SPECC1L: variants seen among roughly 807,000 people sequenced by gnomAD.
The protein encoded by SPECC1L is sperm antigen with calponin homology and coiled-coil domains 1 like.
SPECC1L carries 40 observed loss-of-function variants against 116.8 expected under a neutral mutation model. The ratio of observed to expected loss-of-function variants is 0.34; its 90% CI spans 0.27 to 0.45. The LOEUF (loss-of-function observed/expected upper bound fraction) is 0.45. Among genes scored for constraint, SPECC1L ranks in the 20% least tolerant of loss-of-function variants. The probability of loss-of-function intolerance (pLI) is 1.00; values close to 1 mark genes in which losing one functional copy is unlikely to be tolerated. For synonymous variants in SPECC1L, 504 were observed against 500.6 expected (o/e 1.01, Z -0.09); for missense variants, 1,110 against 1,373.6 (o/e 0.81, Z 3.03).
rs117987533 is a variant in SPECC1L at position 24,395,350 on chromosome 22, T to C, written c.3088-16238T>C. On this transcript the variant is annotated intron_variant, in intron 14 of 16. Coordinates refer to ENST00000314328, the MANE Select transcript of SPECC1L (RefSeq NM_015330.6). ...AGGTGAACTTTTTGGCCTGTGGACT[T>C]AAGTTGGGAAGGTTGCATGTGATAG... Among the ~76,000 whole-genome samples, 1,125 of 152,262 alleles carry C rather than the reference T, an allele frequency of 7.4e-3. 6 individuals are homozygous for C. Among genetic ancestry groups the C allele is most frequent in the South Asian group, 0.013 (61 of 4,826 alleles).
At chr22:24,382,004 T>C (rs1254873327) in intron 14 of SPECC1L, among the ~76,000 whole-genome samples, 2 of 149,150 alleles carry the variant, frequency 1.3e-5, no homozygotes, top group African/African-American at 4.9e-5. Flanking sequence ...AGGAAGTTTA[T>C]AGACTAGTCA....
intron 2 of SPECC1L, among the ~76,000 whole-genome samples, chr22:24,292,498 T>C (rs995394181): frequency 7.9e-5 from 12 of 152,208 alleles, no homozygotes; most frequent in Admixed American, 2.0e-4. Context: ...ATCAGTTCTT[T>C]TTTATAGGAG....
rs369244424 is a variant in SPECC1L at position 24,343,299 on chromosome 22, G to A, written c.2653-3787G>A. ...AAATCAGGAAGCTAAAGCAAGACAAGCGTATATAAACATACAAACACCCTC... is the reference window on the plus strand; with the variant it reads ...AAATCAGGAAGCTAAAGCAAGACAAACGTATATAAACATACAAACACCCTC... On this transcript the variant is annotated intron_variant, in intron 10 of 16. Transcript: ENST00000314328. Among the ~76,000 whole-genome samples the A allele has an allele frequency of 2.0e-5, 3 of 152,128 alleles. No individual in the cohort carries two copies. In the East Asian group the frequency reaches 5.8e-4, roughly 29 times the overall value.
rs1039147355 is a variant in SPECC1L at position 24,310,328 on chromosome 22, G to A, written c.154-2985G>A. ...TGCTGCAGTGAATAATTAGCCATGT[G>A]CATATGTATTTTTGTATTATTGGAG... is the stretch of plus-strand genomic sequence containing the variant. On this transcript the variant is annotated intron_variant, in intron 3 of 16. Coordinates refer to ENST00000314328, the MANE Select transcript of SPECC1L (RefSeq NM_015330.6). Among the ~76,000 whole-genome samples, 8 of 152,360 alleles carry A rather than the reference G, an allele frequency of 5.3e-5. No homozygotes were observed. The South Asian group carries it at 1.2e-3, about 24-fold the overall frequency.
rs41277539 is a variant in SPECC1L at position 24,328,956 on chromosome 22, C to T, written c.2220+37C>T. ...CTTCATGTATTGTCTTGTTAGAAAA[C>T]GGTTTTCTGAAATCTGAGGTGTAGT... On this transcript the variant is annotated intron_variant, in intron 7 of 16. Transcript: ENST00000314328. 1.2e-3 allele frequency: 1,762 copies of T among 1,521,422 alleles called. 1 individual carries two copies. The highest frequency in any genetic ancestry group is 1.5e-3 in the Non-Finnish European group (1,656 of 1,096,660). 94.2% of individuals were successfully genotyped at this position (1,521,422 alleles called of 1,614,324 possible).
intron 11 of SPECC1L, among the ~76,000 whole-genome samples, chr22:24,354,901 C>T (rs1482286854): frequency 6.6e-6 from 1 of 151,738 alleles, no homozygotes; most frequent in Non-Finnish European, 1.5e-5. Flanking sequence ...TCACCCACGT[C>T]GGCCTCCCAT....
chr22:24,323,165 T>C (rs901582626), intron 5 of SPECC1L: 3 of 942,686 alleles, frequency 3.2e-6, no homozygotes, highest in Non-Finnish European at 3.8e-6. Context: ...ATATGGCTGG[T>C]ATTACAGCTA....
At chr22:24,333,072 T>C (rs1338712713) in intron 8 of SPECC1L, among the ~76,000 whole-genome samples, 1 of 151,936 alleles carries the variant, frequency 6.6e-6, no homozygotes, top group Non-Finnish European at 1.5e-5. Flanking sequence ...CTACTAAAAA[T>C]ACAAAATTAG....
At position 24,327,449 on chromosome 22, in the gene SPECC1L, T is replaced by C. The variant is rs557350004; in HGVS notation, c.2147-1397T>C. 4.6e-5 allele frequency among the ~76,000 whole-genome samples: 7 copies of C among 152,262 alleles called. No homozygotes were observed. In the East Asian group the frequency reaches 1.3e-3, roughly 29 times the overall value. On this transcript the variant is annotated intron_variant, in intron 6 of 16. Coordinates refer to ENST00000314328, the MANE Select transcript of SPECC1L (RefSeq NM_015330.6). Reference sequence around the variant, plus strand: ...TCAGCATACTCATACTTTAGGGTCCTAATTAAAAGCCAATAAAGTGTTAGC... The same window carrying C: ...TCAGCATACTCATACTTTAGGGTCCCAATTAAAAGCCAATAAAGTGTTAGC...
At chr22:24,379,787 C>T (rs1219789072) in intron 14 of SPECC1L, among the ~76,000 whole-genome samples, 1 of 152,158 alleles carries the variant, frequency 6.6e-6, no homozygotes, top group Non-Finnish European at 1.5e-5. Flanking sequence ...CTGTTCCTTC[C>T]CTTTAGAAGC....
intron 2 of SPECC1L, among the ~76,000 whole-genome samples, chr22:24,280,926 A>G (rs1042483926): frequency 1.3e-5 from 2 of 152,142 alleles, no homozygotes; most frequent in Admixed American, 6.5e-5. Context: ...CCATTTAAAA[A>G]TGCAAAACAT....
intron 14 of SPECC1L, among the ~76,000 whole-genome samples, chr22:24,402,663 C>T (rs137869388): frequency 3.3e-5 from 5 of 152,174 alleles, no homozygotes; most frequent in African/African-American, 1.2e-4. Flanking sequence ...GGACAGCGCT[C>T]TGCACGGCTC....
chr22:24,392,992 C>T (rs2042300413), intron 14 of SPECC1L, among the ~76,000 whole-genome samples: 1 of 152,158 alleles, frequency 6.6e-6, no homozygotes, highest in African/African-American at 2.4e-5. Flanking sequence ...ATTCCAAGGA[C>T]AGTTGTCGAG....
At chr22:24,387,967 G>A (rs992448602) in intron 14 of SPECC1L, among the ~76,000 whole-genome samples, 5 of 152,168 alleles carry the variant, frequency 3.3e-5, no homozygotes, top group African/African-American at 4.8e-5. Context: ...AACTGGTCAA[G>A]TTGTCACATT....
chr22:24,327,105 C>G (rs1440884676), intron 6 of SPECC1L, among the ~76,000 whole-genome samples: 1 of 151,674 alleles, frequency 6.6e-6, no homozygotes, highest in African/African-American at 2.4e-5. Context: ...TGGTGAAACC[C>G]CGTCTGTACT....
chr22:24,371,513 T>G (rs140170889), intron 14 of SPECC1L, among the ~76,000 whole-genome samples: 2,092 of 152,290 alleles, frequency 0.014, 62 homozygotes, highest in African/African-American at 0.048. Flanking sequence ...TTTTTTCTGA[T>G]CACAATGAAA....
chr22:24,325,921 C>A (rs1377002804), intron 6 of SPECC1L, among the ~76,000 whole-genome samples: 1 of 152,108 alleles, frequency 6.6e-6, no homozygotes, highest in East Asian at 1.9e-4. Flanking sequence ...AATTACACTC[C>A]TAACATTTTT....
At chr22:24,329,069 A>G in intron 7 of SPECC1L, 150 bp downstream of exon 7, 2 of 698,690 alleles carry the variant, frequency 2.9e-6, no homozygotes, top group South Asian at 1.6e-5. Flanking sequence ...AAATGCTATC[A>G]TTTCAAATTG....
rs753887403 is a variant in SPECC1L, at chr22:24,365,482, G to A, written c.2834G>A (p.Arg945Gln). Residue 945 changes from arginine (R) to glutamine (Q), a missense_variant, in exon 13 of 17, where the codon CGA becomes CAA. Transcript: ENST00000314328. ...TAATGACTATTTCTCACAGTGTCTCGACGAAGTAGTGAAGAAGTGAAACGG... is the reference window on the plus strand; with the variant it reads ...TAATGACTATTTCTCACAGTGTCTCAACGAAGTAGTGAAGAAGTGAAACGG... ...MESAKTLSVS[R>Q]RSSEEVKRDI... is the part of the protein sequence containing the mutation. The A allele has an allele frequency of 1.2e-5, 20 of 1,613,864 alleles. No individual in the cohort carries two copies. Among genetic ancestry groups the A allele is most frequent in the East Asian group, 2.2e-5 (1 of 44,870 alleles).
Sources: allele counts gnomAD v4.1 joint callset (sites outside exome capture counted in the v4.1 genomes callset), GRCh38; gene constraint gnomAD v4.1.1; transcripts MANE v1.5; gene names NCBI Gene and HGNC (gene_info 2026-07-23, HGNC 2026-07-21).